The following MMD2 variants were observed in gnomAD, a reference collection of about 807,000 sequenced individuals.
MMD2 encodes the protein monocyte to macrophage differentiation associated 2.
MMD2 carries 30 observed loss-of-function variants against 33.5 expected under a neutral mutation model. That is an observed-to-expected ratio of 0.90 (90% confidence interval 0.67 to 1.22). MMD2 has a LOEUF of 1.22. MMD2 is among the 50% of genes most tolerant of loss of function. The probability of loss-of-function intolerance (pLI) is 0.00; values close to 1 mark genes in which losing one functional copy is unlikely to be tolerated. For synonymous variants in MMD2, 129 were observed against 123.0 expected (o/e 1.05, Z -0.32); for missense variants, 364 against 325.4 (o/e 1.12, Z -0.91).
chr7:4,944,690 T>C (rs1786002796), intron 1 of MMD2, among the ~76,000 whole-genome samples: 1 of 152,138 alleles, frequency 6.6e-6, no homozygotes, highest in African/African-American at 2.4e-5. Context: ...CCCCGCTACT[T>C]CTGGTCTTTT....
rs764480622 is a variant in MMD2, at chr7:4,916,083, G to C, written c.291-4C>G. The C allele has an allele frequency of 1.9e-6, 3 of 1,613,404 alleles. No homozygotes were observed. Among genetic ancestry groups the C allele is most frequent in the Non-Finnish European group, 2.5e-6 (3 of 1,179,718 alleles). ...GTGTAGACAGTGTTCCACCATCCTAGGGCGGCAGAGAAGCCGGCAGTCACA... is the reference window on the plus strand; with the variant it reads ...GTGTAGACAGTGTTCCACCATCCTACGGCGGCAGAGAAGCCGGCAGTCACA... On this transcript the variant is annotated splice_polypyrimidine_tract_variant and splice_region_variant and intron_variant, in intron 3 of 6. Transcript: ENST00000401401.
intron 1 of MMD2, among the ~76,000 whole-genome samples, chr7:4,933,793 T>A (rs1406052151): frequency 6.7e-6 from 1 of 149,378 alleles, no homozygotes; most frequent in East Asian, 2.0e-4. Flanking sequence ...CCACCATGCC[T>A]GGTTAATTTT....
chr7:4,902,518 G>A (rs763394247), downstream of MMD2, among the ~76,000 whole-genome samples: 18 of 152,180 alleles, frequency 1.2e-4, no homozygotes, highest in Non-Finnish European at 2.5e-4. Flanking sequence ...GTGAATCGGT[G>A]AAGACAGCAT....
the MMD2 span, among the ~76,000 whole-genome samples, chr7:4,898,709 G>T: frequency 6.6e-6 from 1 of 152,162 alleles, no homozygotes; most frequent in Non-Finnish European, 1.5e-5. Context: ...AGACCAGCTG[G>T]CCAACATGGC....
At chr7:4,892,310 G>A in the MMD2 span, among the ~76,000 whole-genome samples, 5 of 152,048 alleles carry the variant, frequency 3.3e-5, no homozygotes, top group African/African-American at 7.2e-5. Context: ...AATCAAGGCC[G>A]GGCACGGTGG....
the MMD2 span, among the ~76,000 whole-genome samples, chr7:4,893,635 G>A: frequency 2.0e-5 from 3 of 151,536 alleles, no homozygotes; most frequent in African/African-American, 7.3e-5. Flanking sequence ...CAGGTGATGT[G>A]CCTGCCTCGG....
At chr7:4,947,852 C>G in intron 1 of MMD2, among the ~76,000 whole-genome samples, 1 of 151,354 alleles carries the variant, frequency 6.6e-6, no homozygotes, top group East Asian at 1.9e-4. Context: ...GGGAGTGCCT[C>G]CACACCTGGC....
chr7:4,908,758 G>A (rs1219547073), intron 6 of MMD2, among the ~76,000 whole-genome samples: 1 of 151,882 alleles, frequency 6.6e-6, no homozygotes, highest in South Asian at 2.1e-4. Context: ...TTAGCCGAGA[G>A]TGGTGGCACG....
chr7:4,907,427 G>C lies in MMD2; in HGVS notation c.710C>G (p.Pro237Arg), dbSNP rs753056312. 6.2e-7 allele frequency: 1 copy of C among 1,613,886 alleles called. No homozygotes were observed. Among genetic ancestry groups the C allele is most frequent in the Non-Finnish European group, 8.5e-7 (1 of 1,179,894 alleles). Residue 237 changes from proline (P) to arginine (R), a missense_variant, in exon 7 of 7, where the codon CCC (proline) becomes CGC (arginine). Coordinates refer to ENST00000401401, the MANE Select transcript of MMD2 (RefSeq NM_198403.4). ...YYAIWRYLYL[P>R]STLQTKVSK ...GGACACCTTGGTCTGCAGGGTGCTGGGCAGATAGAGGTACCTCCAGATGGC... is the reference window on the plus strand; with the variant it reads ...GGACACCTTGGTCTGCAGGGTGCTGCGCAGATAGAGGTACCTCCAGATGGC...
intron 1 of MMD2, among the ~76,000 whole-genome samples, chr7:4,926,830 C>T (rs1367292558): frequency 1.3e-5 from 2 of 151,880 alleles, no homozygotes; most frequent in Admixed American, 6.6e-5. Flanking sequence ...CAGCAAGCTC[C>T]GCCTCCTGGG....
chr7:4,923,315 G>A (rs189354995), intron 2 of MMD2, among the ~76,000 whole-genome samples: 87 of 152,134 alleles, frequency 5.7e-4, no homozygotes, highest in Middle Eastern at 6.8e-3. Context: ...TGTTGGCCAG[G>A]CTGGTCTCGA....
chr7:4,940,712 C>G lies in MMD2; in HGVS notation c.48-15180G>C, dbSNP rs558697533. ...ATGGTCATGAAATAAAATCCTGGGGCAGACAGTGATGGGAACAGGAAGGGG... is the reference window on the plus strand; with the variant it reads ...ATGGTCATGAAATAAAATCCTGGGGGAGACAGTGATGGGAACAGGAAGGGG... On this transcript the variant is annotated intron_variant, in intron 1 of 6. Transcript: ENST00000401401. This position sits in a 1 kb window ranked among gnomAD's most constrained non-coding sequence, Gnocchi z 5.0. 1.3e-5 allele frequency among the ~76,000 whole-genome samples: 2 copies of G among 152,140 alleles called. No individual in the cohort carries two copies. The highest frequency in any genetic ancestry group is 4.1e-4 in the South Asian group (2 of 4,830).
At chr7:4,945,986 C>T (rs962409757) in intron 1 of MMD2, among the ~76,000 whole-genome samples, 1 of 152,240 alleles carries the variant, frequency 6.6e-6, no homozygotes, top group Non-Finnish European at 1.5e-5. Context: ...CAGAATTCAG[C>T]ATTCATTCCT....
intron 1 of MMD2, among the ~76,000 whole-genome samples, chr7:4,939,511 C>G (rs1475251971): frequency 6.6e-6 from 1 of 152,096 alleles, no homozygotes; most frequent in Admixed American, 6.6e-5. Context: ...TCACTGCACT[C>G]CAGCCTGGGC....
intron 1 of MMD2, among the ~76,000 whole-genome samples, chr7:4,948,822 T>C (rs1786161454): frequency 6.6e-6 from 1 of 152,198 alleles, no homozygotes; most frequent in Non-Finnish European, 1.5e-5. Context: ...TTTTAGGTTC[T>C]ATAAATTTCT....
At chr7:4,943,013 T>C (rs1434222139) in intron 1 of MMD2, among the ~76,000 whole-genome samples, 29 of 140,388 alleles carry the variant, frequency 2.1e-4, no homozygotes, top group African/African-American at 6.7e-4. Flanking sequence ...TCTTTTTTTT[T>C]TTTTTTTTTT....
At chr7:4,922,248 T>C (rs1313234231) in intron 2 of MMD2, among the ~76,000 whole-genome samples, 5 of 151,322 alleles carry the variant, frequency 3.3e-5, no homozygotes, top group Non-Finnish European at 7.4e-5. Flanking sequence ...ATCACTTTCA[T>C]CAATCTTATT....
At chr7:4,955,618 G>A (rs1043811954) in intron 1 of MMD2, among the ~76,000 whole-genome samples, 1 of 152,144 alleles carries the variant, frequency 6.6e-6, no homozygotes, top group Non-Finnish European at 1.5e-5. Context: ...CATATTCATT[G>A]TATACTGATA....
Position 4,925,432 on chromosome 7 carries a change from C to A in MMD2, c.129+19G>T. The stretch of plus-strand genomic sequence containing the variant: ...AAGTGTCCCCATCTCAGCCCTGAGC[C>A]CCCCAAAAGCCAACTCACAGCATGG... On this transcript the variant is annotated intron_variant, in intron 2 of 6. Coordinates refer to ENST00000401401, the MANE Select transcript of MMD2 (RefSeq NM_198403.4). 1 of 1,525,628 alleles carries A rather than the reference C, an allele frequency of 6.6e-7. No homozygotes were observed. The highest frequency in any genetic ancestry group is 8.8e-7 in the Non-Finnish European group (1 of 1,133,272). 94.5% of individuals were successfully genotyped at this position (1,525,628 alleles called of 1,614,324 possible).
Sources: allele counts gnomAD v4.1 joint callset (sites outside exome capture counted in the v4.1 genomes callset), GRCh38; gene constraint gnomAD v4.1.1; non-coding constraint Gnocchi (gnomAD v3.1); transcripts MANE v1.5; gene names NCBI Gene and HGNC (gene_info 2026-07-23, HGNC 2026-07-21).